The following ADCY4 variants were observed in gnomAD, a reference collection of about 807,000 sequenced individuals.
The protein encoded by ADCY4 is adenylate cyclase 4.
In ADCY4, 111 loss-of-function variants were observed where a neutral mutation model predicts 125.5. The observed-to-expected ratio is 0.88, with a 90% CI of 0.76 to 1.04. The LOEUF is 1.04. Among genes scored for constraint, ADCY4 ranks in the 50% least tolerant of loss-of-function variants. The pLI, the probability that ADCY4 is intolerant of heterozygous loss-of-function variation, is 0.00. For synonymous variants in ADCY4, 576 were observed against 586.9 expected (o/e 0.98, Z 0.27); for missense variants, 1,256 against 1,382.9 (o/e 0.91, Z 1.46).
In ADCY4 at chr14:24,334,643, G is replaced by A. The variant is rs1207929890; in HGVS notation, c.10C>T (p.Leu4Phe). The A allele has an allele frequency of 6.5e-7, 1 of 1,547,590 alleles. No individual in the cohort carries two copies. Among genetic ancestry groups the A allele is most frequent in the East Asian group, 2.4e-5 (1 of 41,126 alleles). The change falls in exon 1 of 25, where the codon CTC (leucine) becomes TTC (phenylalanine). Residue 4 changes from leucine (L) to phenylalanine (F), a missense_variant. Transcript: ENST00000418030. ...CTGGGGGGCGGCCGGGGGCTGAAGA[G>A]GCGGGCCATGATCTCCCCAGCCCCG... MAR[L>F]FSPRPPPSED...
chr14:24,327,511 C>T (rs1032698116), intron 10 of ADCY4, among the ~76,000 whole-genome samples: 5 of 152,218 alleles, frequency 3.3e-5, no homozygotes, highest in Admixed American at 3.3e-4. Context: ...CTTCCTCTTC[C>T]TCCTGCCAGC....
chr14:24,321,404 G>A (rs1265240983), intron 20 of ADCY4, among the ~76,000 whole-genome samples: 4 of 151,342 alleles, frequency 2.6e-5, no homozygotes, highest in African/African-American at 4.9e-5. Context: ...CAGCCTGAGC[G>A]ACGAGAGTGA....
At chr14:24,327,806 G>A (rs555500099) in intron 10 of ADCY4, among the ~76,000 whole-genome samples, 2 of 152,278 alleles carry the variant, frequency 1.3e-5, no homozygotes, top group African/African-American at 4.8e-5. Context: ...GTGTGTGGGT[G>A]GCAAGCCACC....
chr14:24,318,536 G>T lies in ADCY4; in HGVS notation c.3114C>A (p.Ser1038=). The change falls in exon 25 of 25, where the codon TCC becomes TCA. Residue 1038 remains serine (S), a synonymous_variant. Coordinates refer to ENST00000418030, the MANE Select transcript of ADCY4 (RefSeq NM_001198568.2). ...VTEETAWALQ[S]LGYTCYSRGV... ...CCCGGCTGTAGCAGGTGTAGCCCAG[G>T]GACTGTAGGGCCCATGCTGTCTCCT... The T allele has an allele frequency of 6.2e-7, 1 of 1,614,112 alleles. No individual in the cohort carries two copies. The highest frequency in any genetic ancestry group is 8.5e-7 in the Non-Finnish European group (1 of 1,179,998).
chr14:24,326,896 ATTTTTT>A (rs3078135), intron 10 of ADCY4, among the ~76,000 whole-genome samples: 3 of 109,940 alleles, frequency 2.7e-5, no homozygotes, highest in Non-Finnish European at 5.1e-5. Flanking sequence ...ACCTGGCTGG[ATTTTTT>A]TTTTTTTTTT....
chr14:24,324,589 C>T (rs1003320021), intron 14 of ADCY4, among the ~76,000 whole-genome samples, 198 bp from the exon 15 acceptor site: 1 of 151,926 alleles, frequency 6.6e-6, no homozygotes, highest in African/African-American at 2.4e-5. Context: ...AGAGCAGTGT[C>T]GAGGTGGAAC....
chr14:24,329,529 C>G lies in ADCY4; in HGVS notation c.1222G>C (p.Val408Leu). Residue 408 changes from valine to leucine, a missense_variant, in exon 9 of 25, where the codon GTG (valine) becomes CTG (leucine). Transcript: ENST00000418030. ...GCCAGGGTAGCCCCTGTGATGTGCA[C>G]TCGCCTGGAAGGAGGGAGGCAGTAG... The part of the protein sequence containing the change: ...HMEAGGVPGR[V>L]HITGATLALL... 1 of 1,526,050 alleles carries G rather than the reference C, an allele frequency of 6.6e-7. No individual in the cohort carries two copies. Among genetic ancestry groups the G allele is most frequent in the Non-Finnish European group, 8.8e-7 (1 of 1,139,452 alleles). 94.5% of individuals were successfully genotyped at this position (1,526,050 alleles called of 1,614,324 possible).
chr14:24,334,037 TC>T (rs1368748451), intron 1 of ADCY4, among the ~76,000 whole-genome samples: 2 of 152,180 alleles, frequency 1.3e-5, no homozygotes, highest in African/African-American at 4.8e-5. Flanking sequence ...ACCTTCTTCC[TC>T]CCCAAACAGA....
rs150068317 is a variant in ADCY4, at chr14:24,320,618, A to G, written c.2587-730T>C. ...TGAGCCAAGAGCATTTCCACAGCAG[A>G]GGGCCAGCAGATGATACAAATAAGA... On this transcript the variant is annotated intron_variant, in intron 20 of 24. Transcript: ENST00000418030. Among the ~76,000 whole-genome samples the G allele has an allele frequency of 2.8e-3, 432 of 152,338 alleles. 2 individuals are homozygous for G. Among genetic ancestry groups the G allele is most frequent in the African/African-American group, 9.6e-3 (399 of 41,562 alleles).
intron 8 of ADCY4, 59 bp from the exon 9 acceptor site, chr14:24,329,592 G>T (rs1360548799): frequency 4.7e-6 from 7 of 1,497,604 alleles, no homozygotes; most frequent in Non-Finnish European, 6.2e-6. Flanking sequence ...CCTATTTCCT[G>T]CCCCATCACC....
chr14:24,331,435 C>A (rs762940364), intron 4 of ADCY4, 79 bp from the exon 5 acceptor site: 31 of 1,576,358 alleles, frequency 2.0e-5, no homozygotes, highest in Non-Finnish European at 2.6e-5. Flanking sequence ...ACTCAGGAGC[C>A]CACACTGCCC....
chr14:24,322,659 T>TGAA lies in ADCY4; in HGVS notation c.2389_2391dup (p.Phe797dup). 1 of 1,614,122 alleles carries TGAA rather than the reference T, an allele frequency of 6.2e-7. No homozygotes were observed. On this transcript the variant is annotated inframe_insertion, in exon 19 of 25. Coordinates refer to ENST00000418030, the MANE Select transcript of ADCY4 (RefSeq NM_001198568.2). Reference sequence around the variant, plus strand: ...AGGACAAGGAGGGTGAAGAAGAAGATGAAGAAGGAGATAGCACCCATCAGT... The same window carrying TGAA: ...AGGACAAGGAGGGTGAAGAAGAAGATGAAGAAGAAGGAGATAGCACCCATCAGT...
rs368301184 is a variant in ADCY4 at position 24,329,877 on chromosome 14, C to T, written c.1200G>A (p.Glu400=). 1.0e-4 allele frequency: 169 copies of T among 1,613,822 alleles called. 1 individual carries two copies. The highest frequency in any genetic ancestry group is 8.3e-5 in the Admixed American group (5 of 59,998). Residue 400 remains glutamate (E), a synonymous_variant, in exon 8 of 25, where the codon GAG becomes GAA. Transcript: ENST00000418030. ...GGTCTCACCCTGGTACACCGCCTGC[C>T]TCCATGTGGTTAGCCAGTGTGACAT... ...SHDVTLANHM[E]AGGVPGRVHI...
At chr14:24,330,134 C>T in intron 7 of ADCY4, 34 bp downstream of exon 7, 2 of 1,605,622 alleles carry the variant, frequency 1.2e-6, no homozygotes, top group South Asian at 2.2e-5. Context: ...CACATCCACC[C>T]TCAGCATTCC....
Position 24,329,542 on chromosome 14 carries a change from A to G in ADCY4, c.1218-9T>C. ...CTGTGATGTGCACTCGCCTGGAAGG[A>G]GGGAGGCAGTAGGGGTCAGCAGGGA... is the stretch of plus-strand genomic sequence containing the variant. On this transcript the variant is annotated splice_polypyrimidine_tract_variant and intron_variant, in intron 8 of 24. Transcript: ENST00000418030. The G allele has an allele frequency of 6.6e-7, 1 of 1,516,334 alleles. No homozygotes were observed. Among genetic ancestry groups the G allele is most frequent in the Non-Finnish European group, 8.8e-7 (1 of 1,134,042 alleles). The allele number at this position is 1,516,334 out of a possible 1,614,324, so 93.9% of individuals were successfully genotyped here.
At position 24,318,683 on chromosome 14, in the gene ADCY4, C is replaced by T. The variant is rs773676105; in HGVS notation, c.3052G>A (p.Glu1018Lys). The T allele has an allele frequency of 1.2e-6, 2 of 1,614,220 alleles. No homozygotes were observed. Among genetic ancestry groups the T allele is most frequent in the South Asian group, 2.2e-5 (2 of 91,088 alleles). The change falls in exon 24 of 25, where the codon GAG (glutamate) becomes AAG (lysine). Residue 1018 changes from glutamate to lysine, a missense_variant. Transcript: ENST00000418030. ...GNTVNVASRM[E>K]STGVLGKIQV... ...ATTTTGCCAAGGACTCCTGTACTCT[C>T]CATGCGGCTGGCCACGTTCACTGTG...
intron 7 of ADCY4, 44 bp from the exon 8 acceptor site, chr14:24,330,062 C>T (rs2042017266): frequency 2.5e-6 from 4 of 1,600,478 alleles, no homozygotes; most frequent in Admixed American, 1.7e-5. Flanking sequence ...TACCCTCAGC[C>T]CTGCCTGTGA....
Position 24,324,182 on chromosome 14 carries a change from G to A in ADCY4, c.1926C>T (p.Gly642=). The change falls in exon 16 of 25, where the codon GGC becomes GGT. Residue 642 remains glycine, a synonymous_variant. Coordinates refer to ENST00000418030, the MANE Select transcript of ADCY4 (RefSeq NM_001198568.2). ...SEDLMRCVLK[G]PKMLHWLPAL... ...CAGGCAGCCAGTGCAGCATCTTGGGGCCTTTCAGGACACACCTCTGTGGAG... is the reference window on the plus strand; with the variant it reads ...CAGGCAGCCAGTGCAGCATCTTGGGACCTTTCAGGACACACCTCTGTGGAG... The A allele has an allele frequency of 1.9e-6, 3 of 1,614,242 alleles. No individual in the cohort carries two copies. Among genetic ancestry groups the A allele is most frequent in the Admixed American group, 1.7e-5 (1 of 60,028 alleles).
intron 1 of ADCY4, among the ~76,000 whole-genome samples, chr14:24,333,941 T>C (rs897810577): frequency 4.6e-5 from 7 of 152,194 alleles, no homozygotes; most frequent in Non-Finnish European, 7.3e-5. Context: ...CCAGCAAGGA[T>C]TGGCCGCGCC....
Sources: gnomAD v4.1 joint callset for allele counts (sites outside exome capture counted in the v4.1 genomes callset) on GRCh38, gnomAD v4.1.1 for gene constraint, MANE v1.5 for transcripts, NCBI Gene and HGNC (gene_info 2026-07-23, HGNC 2026-07-21) for gene names.